CPQ: variants seen among roughly 807,000 people sequenced by gnomAD.
The protein encoded by CPQ is Ser-Met dipeptidase.
A neutral mutation model predicts 45.7 loss-of-function variants in CPQ; 37 were observed. That is an observed-to-expected ratio of 0.81 (90% CI 0.62 to 1.07). The LOEUF is 1.07. Among genes scored for constraint, CPQ ranks in the 50% least tolerant of loss-of-function variants. The probability of loss-of-function intolerance (pLI) is 0.00; values close to 1 mark genes in which losing one functional copy is unlikely to be tolerated. For missense variants in CPQ, 537 were observed against 572.9 expected (o/e 0.94, Z 0.64); for synonymous variants, 186 against 205.8 (o/e 0.90, Z 0.82).
chr8:96,800,323 T>C (rs1810989378), intron 2 of CPQ, among the ~76,000 whole-genome samples: 2 of 152,154 alleles, frequency 1.3e-5, no homozygotes, highest in African/African-American at 4.8e-5. Context: ...GTAGCAGGGA[T>C]GTATTAATAA....
In CPQ at chr8:96,972,627, C is replaced by T. The variant is rs576664065; in HGVS notation, c.961+6581C>T. Among the ~76,000 whole-genome samples, 29 of 152,310 alleles carry T rather than the reference C, an allele frequency of 1.9e-4. No individual in the cohort carries two copies. The South Asian group carries it at 2.9e-3, about 15-fold the overall frequency. On this transcript the variant is annotated intron_variant, in intron 5 of 7. Coordinates refer to ENST00000220763, the MANE Select transcript of CPQ (RefSeq NM_016134.4). ...ACACAACCAAGGACCCTCGCAGAGA[C>T]GACTTCACTCCCCTGCTAATTCCAT... is the stretch of plus-strand genomic sequence containing the variant.
chr8:97,081,636 T>C (rs1810951685), intron 7 of CPQ, among the ~76,000 whole-genome samples: 2 of 152,190 alleles, frequency 1.3e-5, no homozygotes, highest in South Asian at 4.1e-4. Context: ...ACAACTCCAC[T>C]GTTTTCCATG....
intron 4 of CPQ, among the ~76,000 whole-genome samples, chr8:96,895,305 A>T (rs1358322001): frequency 6.6e-6 from 1 of 152,234 alleles, no homozygotes. Flanking sequence ...TGCTGTTAGC[A>T]TCTTGCTGCA....
intron 2 of CPQ, among the ~76,000 whole-genome samples, chr8:96,807,998 T>C (rs1811107956): frequency 6.6e-6 from 1 of 152,248 alleles, no homozygotes; most frequent in African/African-American, 2.4e-5. Context: ...AGCACGCTTT[T>C]TGTGGCCTTG....
intron 1 of CPQ, among the ~76,000 whole-genome samples, chr8:96,754,505 T>C (rs976291948): frequency 6.6e-6 from 1 of 152,032 alleles, no homozygotes; most frequent in African/African-American, 2.4e-5. Context: ...TACCCTGGAA[T>C]GGATTATATA....
intron 4 of CPQ, among the ~76,000 whole-genome samples, chr8:96,900,252 C>A (rs555913227): frequency 3.9e-4 from 59 of 152,178 alleles, no homozygotes; most frequent in African/African-American, 1.4e-3. Flanking sequence ...TAACAATGCC[C>A]CCACTAACAA....
chr8:96,686,448 T>C (rs1055472304), intron 1 of CPQ, among the ~76,000 whole-genome samples: 1 of 152,034 alleles, frequency 6.6e-6, no homozygotes, highest in Admixed American at 6.5e-5. Flanking sequence ...TCATAATTTA[T>C]TGAGATGGTA....
intron 1 of CPQ, among the ~76,000 whole-genome samples, chr8:96,706,743 A>T (rs547758674): frequency 6.6e-6 from 1 of 152,318 alleles, no homozygotes; most frequent in South Asian, 2.1e-4. Flanking sequence ...AAAATCCAGA[A>T]AAGTTATAGA....
chr8:97,087,299 A>C (rs918676682), intron 7 of CPQ, among the ~76,000 whole-genome samples: 2 of 152,172 alleles, frequency 1.3e-5, no homozygotes, highest in African/African-American at 4.8e-5. Flanking sequence ...CGCGGGACAG[A>C]AGGAATGGCC....
intron 4 of CPQ, among the ~76,000 whole-genome samples, chr8:96,956,590 T>C (rs1198956335): frequency 1.3e-5 from 2 of 152,164 alleles, no homozygotes; most frequent in Non-Finnish European, 1.5e-5. Flanking sequence ...ATAATACATA[T>C]ATTCTTTTCC....
intron 1 of CPQ, among the ~76,000 whole-genome samples, chr8:96,656,221 A>G (rs1394919720): frequency 6.6e-6 from 1 of 152,132 alleles, no homozygotes; most frequent in Non-Finnish European, 1.5e-5. Flanking sequence ...TTCTTAGTCT[A>G]GGCTGTGATT....
At chr8:96,678,074 G>A (rs551101550) in intron 1 of CPQ, among the ~76,000 whole-genome samples, 28 of 152,124 alleles carry the variant, frequency 1.8e-4, no homozygotes, top group Non-Finnish European at 3.5e-4. Flanking sequence ...AGTAACTATA[G>A]CCTTGTAGGA....
At chr8:97,045,281 C>A (rs1335052116) in intron 6 of CPQ, among the ~76,000 whole-genome samples, 4 of 152,234 alleles carry the variant, frequency 2.6e-5, no homozygotes, top group Non-Finnish European at 5.9e-5. Flanking sequence ...GGGCATAGTA[C>A]CTTCCAAGCC....
chr8:96,862,190 C>T (rs1041601884), intron 3 of CPQ, among the ~76,000 whole-genome samples: 27 of 152,038 alleles, frequency 1.8e-4, no homozygotes, highest in African/African-American at 6.0e-4. Flanking sequence ...AGCCCTTCCG[C>T]TTATGCATAC....
At chr8:97,074,470 A>G (rs542878398) in intron 7 of CPQ, among the ~76,000 whole-genome samples, 1 of 152,132 alleles carries the variant, frequency 6.6e-6, no homozygotes, top group East Asian at 1.9e-4. Flanking sequence ...ATTGAAAGAT[A>G]TGTAGTATAA....
At chr8:97,045,055 C>T (rs1810214010) in intron 6 of CPQ, among the ~76,000 whole-genome samples, 1 of 152,218 alleles carries the variant, frequency 6.6e-6, no homozygotes, top group South Asian at 2.1e-4. Flanking sequence ...GAGGTTACTG[C>T]TGTCTTTTTG....
chr8:96,673,942 G>A (rs188725550), intron 1 of CPQ, among the ~76,000 whole-genome samples: 56 of 151,918 alleles, frequency 3.7e-4, no homozygotes, highest in East Asian at 1.2e-3. Context: ...AAATAAACCC[G>A]TGACAAGACT....
chr8:96,912,365 T>A (rs1812676009), intron 4 of CPQ, among the ~76,000 whole-genome samples: 1 of 152,224 alleles, frequency 6.6e-6, no homozygotes, highest in African/African-American at 2.4e-5. Flanking sequence ...TTGTCTTGTA[T>A]GCGAATGTGA....
At chr8:96,704,385 G>T (rs1001274636) in intron 1 of CPQ, among the ~76,000 whole-genome samples, 1 of 152,088 alleles carries the variant, frequency 6.6e-6, no homozygotes, top group Non-Finnish European at 1.5e-5. Context: ...ATAAATGTTC[G>T]TTCTTATTTA....
Sources: gnomAD v4.1 joint callset for allele counts (sites outside exome capture counted in the v4.1 genomes callset) on GRCh38, gnomAD v4.1.1 for gene constraint, MANE v1.5 for transcripts, NCBI Gene and HGNC (gene_info 2026-07-23, HGNC 2026-07-21) for gene names.